SPAG16: variants seen among roughly 807,000 people sequenced by gnomAD.
SPAG16 encodes the protein sperm associated antigen 16, also known as sperm-associated antigen 16 protein.
In SPAG16, 86 loss-of-function variants were observed where a neutral mutation model predicts 80.4. The ratio of observed to expected loss-of-function variants is 1.07; its 90% confidence interval spans 0.90 to 1.28. SPAG16 has a LOEUF of 1.28. SPAG16 is among the 50% of genes most tolerant of loss of function. SPAG16 has a pLI of 0.00. For synonymous variants in SPAG16, 294 were observed against 265.9 expected (o/e 1.11, Z -1.03); for missense variants, 870 against 765.3 (o/e 1.14, Z -1.61).
chr2:213,427,855 A>T (rs192051422), intron 9 of SPAG16, among the ~76,000 whole-genome samples: 1 of 152,212 alleles, frequency 6.6e-6, no homozygotes, highest in Non-Finnish European at 1.5e-5. Context: ...GAAAGTGGCT[A>T]TCAGTAAAAT....
chr2:213,988,772 A>G (rs1327541189), intron 12 of SPAG16, among the ~76,000 whole-genome samples: 1 of 152,118 alleles, frequency 6.6e-6, no homozygotes, highest in African/African-American at 2.4e-5. Flanking sequence ...TGAAAACTAC[A>G]AAACACTTAA....
intron 10 of SPAG16, among the ~76,000 whole-genome samples, chr2:213,825,302 T>C (rs748526063): frequency 3.3e-5 from 5 of 152,118 alleles, no homozygotes; most frequent in Non-Finnish European, 7.4e-5. Context: ...TGTCATATTC[T>C]AGATCTTTGA....
intron 9 of SPAG16, among the ~76,000 whole-genome samples, chr2:213,429,178 C>CCAACT (rs2070135685): frequency 6.6e-6 from 1 of 151,956 alleles, no homozygotes; most frequent in African/African-American, 2.4e-5. Context: ...CCTTCCTGTG[C>CCAACT]CAACTTGATA....
chr2:213,762,475 G>A (rs931339065), intron 10 of SPAG16, among the ~76,000 whole-genome samples: 1 of 152,036 alleles, frequency 6.6e-6, no homozygotes, highest in African/African-American at 2.4e-5. Flanking sequence ...ACAGAACCTA[G>A]AAATAAACCC....
chr2:213,994,723 C>T (rs1199436851), intron 12 of SPAG16, among the ~76,000 whole-genome samples: 2 of 151,932 alleles, frequency 1.3e-5, no homozygotes, highest in Admixed American at 6.6e-5. Context: ...TTTTATTCTC[C>T]ATATTACAGC....
chr2:213,850,311 A>T (rs2074838133), intron 10 of SPAG16, among the ~76,000 whole-genome samples: 1 of 152,248 alleles, frequency 6.6e-6, no homozygotes, highest in African/African-American at 2.4e-5. Context: ...CTACTATAAC[A>T]AAGGCATGTT....
At chr2:214,095,641 C>T (rs1417221956) in intron 13 of SPAG16, among the ~76,000 whole-genome samples, 1 of 151,818 alleles carries the variant, frequency 6.6e-6, no homozygotes, top group Non-Finnish European at 1.5e-5. Context: ...CTTAAAAATT[C>T]ATGTATTATA....
chr2:214,042,005 TATAC>T (rs200652317), intron 13 of SPAG16, among the ~76,000 whole-genome samples: 10,515 of 122,900 alleles, frequency 0.086, 521 homozygotes, highest in East Asian at 0.32. Flanking sequence ...TATATATATA[TATAC>T]ACACACACAC....
At chr2:214,288,222 G>A (rs1193388717) in intron 15 of SPAG16, among the ~76,000 whole-genome samples, 1 of 152,072 alleles carries the variant, frequency 6.6e-6, no homozygotes, top group Admixed American at 6.5e-5. Flanking sequence ...ACAACTTCCA[G>A]TTCCATCCAT....
intron 12 of SPAG16, among the ~76,000 whole-genome samples, chr2:214,001,728 A>C (rs1425151192): frequency 2.0e-5 from 3 of 152,204 alleles, no homozygotes; most frequent in Non-Finnish European, 2.9e-5. Flanking sequence ...AAACTCTGTA[A>C]AAAATCTGTG....
chr2:213,528,211 G>C (rs1316782150), intron 10 of SPAG16, among the ~76,000 whole-genome samples: 2 of 151,982 alleles, frequency 1.3e-5, no homozygotes, highest in East Asian at 3.9e-4. Flanking sequence ...TTTCAGGATA[G>C]GTGAAACTCC....
intron 9 of SPAG16, among the ~76,000 whole-genome samples, chr2:213,439,532 A>G (rs1242657939): frequency 6.6e-6 from 1 of 152,210 alleles, no homozygotes; most frequent in Non-Finnish European, 1.5e-5. Flanking sequence ...GAACTTGTAA[A>G]TGATGAACCT....
chr2:213,346,721 G>A (rs1305815275), intron 6 of SPAG16, among the ~76,000 whole-genome samples: 1 of 152,170 alleles, frequency 6.6e-6, no homozygotes, highest in Non-Finnish European at 1.5e-5. Flanking sequence ...TGCATCCCAG[G>A]GATGAAGCCC....
intron 12 of SPAG16, among the ~76,000 whole-genome samples, chr2:214,007,893 TG>T (rs1320838594): frequency 1.3e-5 from 2 of 152,168 alleles, no homozygotes; most frequent in Admixed American, 1.3e-4. Flanking sequence ...AAAATATCAA[TG>T]TTGATAGTTT....
chr2:213,699,503 C>A (rs1040730519), intron 10 of SPAG16, among the ~76,000 whole-genome samples: 2 of 152,016 alleles, frequency 1.3e-5, no homozygotes, highest in Non-Finnish European at 2.9e-5. Context: ...AGTGACAGAC[C>A]ACCTGGCAAA....
chr2:214,376,370 G>T (rs1361812338), intron 15 of SPAG16, among the ~76,000 whole-genome samples: 1 of 151,992 alleles, frequency 6.6e-6, no homozygotes, highest in Non-Finnish European at 1.5e-5. Context: ...TAAATAAATG[G>T]ATTATGAAGT....
intron 10 of SPAG16, among the ~76,000 whole-genome samples, chr2:213,511,699 G>A (rs940697867): frequency 6.6e-5 from 10 of 151,820 alleles, no homozygotes; most frequent in Non-Finnish European, 4.4e-5. Context: ...AATTAAAAAT[G>A]TTCTACTATC....
chr2:213,906,509 A>G (rs962485592), intron 11 of SPAG16, among the ~76,000 whole-genome samples: 1 of 152,184 alleles, frequency 6.6e-6, no homozygotes, highest in African/African-American at 2.4e-5. Flanking sequence ...AGAAATAGAA[A>G]AAATAATCCT....
chr2:213,734,461 A>G (rs147787098), intron 10 of SPAG16, among the ~76,000 whole-genome samples: 32 of 152,362 alleles, frequency 2.1e-4, no homozygotes, highest in African/African-American at 7.0e-4. Context: ...CTTCCAAAAT[A>G]AGATAAAACT....
Sources: allele counts gnomAD v4.1 joint callset (sites outside exome capture counted in the v4.1 genomes callset), GRCh38; gene constraint gnomAD v4.1.1; transcripts MANE v1.5; gene names NCBI Gene and HGNC (gene_info 2026-07-23, HGNC 2026-07-21).